CCN4: variants seen among roughly 807,000 people sequenced by gnomAD.
CCN4 encodes the protein CCN family member 4.
CCN4 carries 30 observed loss-of-function variants against 36.7 expected under a neutral mutation model. The ratio of observed to expected loss-of-function variants is 0.82; its 90% CI spans 0.61 to 1.11. The LOEUF (loss-of-function observed/expected upper bound fraction) is 1.11, where lower values mean the gene tolerates loss of function less well. Among genes scored for constraint, CCN4 ranks in the 50% least tolerant of loss-of-function variants. CCN4 has a pLI of 0.00. For missense variants in CCN4, 505 were observed against 504.9 expected (o/e 1.00, Z 0.00); for synonymous variants, 191 against 195.4 (o/e 0.98, Z 0.19).
chr8:133,217,936 C>CCACACACACACACACACA (rs58105917), intron 2 of CCN4, among the ~76,000 whole-genome samples: 9,182 of 144,368 alleles, frequency 0.064, 352 homozygotes, highest in African/African-American at 0.089. Flanking sequence ...ACTCCCTTCT[C>CCACACACACACACACACA]CACACACACA....
At chr8:133,194,445 G>T (rs1853247703) in intron 1 of CCN4, among the ~76,000 whole-genome samples, 1 of 40,040 alleles carries the variant, frequency 2.5e-5, no homozygotes, top group African/African-American at 2.5e-4. Context: ...TGTGTGTGGT[G>T]TGTGTGTGGT....
chr8:133,218,500 G>C (rs929762210), intron 2 of CCN4, among the ~76,000 whole-genome samples: 1 of 152,190 alleles, frequency 6.6e-6, no homozygotes, highest in Non-Finnish European at 1.5e-5. Flanking sequence ...TTTCTGTACA[G>C]AATAAAATAA....
At chr8:133,223,989 C>G (rs1425983941) in intron 3 of CCN4, among the ~76,000 whole-genome samples, 1 of 152,128 alleles carries the variant, frequency 6.6e-6, no homozygotes, top group African/African-American at 2.4e-5. Context: ...AATGACCACA[C>G]AGACTCACAT....
intron 1 of CCN4, among the ~76,000 whole-genome samples, chr8:133,212,423 T>A (rs929947881): frequency 5.3e-5 from 8 of 151,400 alleles, no homozygotes; most frequent in African/African-American, 1.9e-4. Context: ...TCTCGGTGAG[T>A]GAAGGAACTG....
rs138013484 is a variant in CCN4, at chr8:133,227,855, C to T, written c.*145C>T. 731 of 881,230 alleles carry T rather than the reference C, an allele frequency of 8.3e-4. 2 individuals are homozygous for T. Among genetic ancestry groups the T allele is most frequent in the South Asian group, 3.3e-3 (186 of 55,968 alleles). The allele number at this position is 881,230 out of a possible 1,614,324, so 54.6% of individuals were successfully genotyped here. A position where few individuals can be genotyped will look rare whatever the true frequency, so the allele number is the denominator to read the frequency against. ...TTTCTGTCTCTAACCATTCAAATGA[C>T]GCCTGATGGTGCTGCTCAGGCCCAT... On this transcript the variant is annotated 3_prime_UTR_variant, in exon 5 of 5. Transcript: ENST00000250160.
intron 1 of CCN4, among the ~76,000 whole-genome samples, chr8:133,191,417 G>A (rs1030249388): frequency 2.0e-5 from 3 of 152,130 alleles, no homozygotes; most frequent in East Asian, 3.9e-4. Context: ...AGGACGGTGC[G>A]ACACTTGGGG....
intron 1 of CCN4, among the ~76,000 whole-genome samples, chr8:133,207,172 T>C (rs1853809801): frequency 6.6e-6 from 1 of 152,282 alleles, no homozygotes; most frequent in Non-Finnish European, 1.5e-5. Flanking sequence ...GGAGAAGTTC[T>C]GGCCATGAGG....
chr8:133,191,556 T>C (rs548658787), intron 1 of CCN4, among the ~76,000 whole-genome samples: 1 of 152,266 alleles, frequency 6.6e-6, no homozygotes, highest in South Asian at 2.1e-4. Flanking sequence ...CCTGGCTGTG[T>C]GGCCTCGGGT....
chr8:133,202,492 C>T (rs957601591), intron 1 of CCN4, among the ~76,000 whole-genome samples: 16 of 152,274 alleles, frequency 1.1e-4, no homozygotes. Flanking sequence ...TGGACTAGGG[C>T]TCGTTATCTG....
rs528222246 is a variant in CCN4, at chr8:133,194,458, G to A, written c.69+3245G>A. 9.3e-4 allele frequency among the ~76,000 whole-genome samples: 73 copies of A among 78,124 alleles called. 1 individual carries two copies. The highest frequency in any genetic ancestry group is 2.5e-3 in the South Asian group (5 of 1,972). The allele number at this position is 78,124 out of a possible 152,430, so 51.3% of individuals were successfully genotyped here. A position where few individuals can be genotyped will look rare whatever the true frequency, so the allele number is the denominator to read the frequency against. ...TGTGTGTGTGGTGTGTGTGTGGTAT[G>A]TGTGTGGGGTGTGTGTGTGTGTGGT... On this transcript the variant is annotated intron_variant, in intron 1 of 4. Coordinates refer to ENST00000250160, the MANE Select transcript of CCN4 (RefSeq NM_003882.4).
rs944854927 is a variant in CCN4 at position 133,209,652 on chromosome 8, G to C, written c.70-3212G>C. On this transcript the variant is annotated intron_variant, in intron 1 of 4. Coordinates refer to ENST00000250160, the MANE Select transcript of CCN4 (RefSeq NM_003882.4). ...GGATGGAGACAGGAGGATGGATAGT[G>C]ATCCCAGGAGTGGGATACCCACCCG... 3.3e-5 allele frequency among the ~76,000 whole-genome samples: 5 copies of C among 152,236 alleles called. No homozygotes were observed. In the East Asian group the frequency reaches 9.6e-4, roughly 29 times the overall value.
At chr8:133,217,058 T>G (rs1291588041) in intron 2 of CCN4, among the ~76,000 whole-genome samples, 1 of 152,206 alleles carries the variant, frequency 6.6e-6, no homozygotes, top group African/African-American at 2.4e-5. Flanking sequence ...CACTCACTAT[T>G]ACTATGACTT....
intron 2 of CCN4, among the ~76,000 whole-genome samples, chr8:133,215,788 T>C (rs1854299722): frequency 6.6e-6 from 1 of 152,172 alleles, no homozygotes; most frequent in Non-Finnish European, 1.5e-5. Context: ...TACCAGTGGT[T>C]CCCTGGTCAT....
At chr8:133,206,601 C>T (rs1297651425) in intron 1 of CCN4, among the ~76,000 whole-genome samples, 1 of 152,186 alleles carries the variant, frequency 6.6e-6, no homozygotes, top group Non-Finnish European at 1.5e-5. Flanking sequence ...ATGGTGTGTG[C>T]GCATGTGTGT....
chr8:133,191,152 G>C lies in CCN4; in HGVS notation c.8G>C (p.Trp3Ser). 1 of 1,606,864 alleles carries C rather than the reference G, an allele frequency of 6.2e-7. No homozygotes were observed. Among genetic ancestry groups the C allele is most frequent in the Admixed American group, 1.7e-5 (1 of 59,992 alleles). The change falls in exon 1 of 5, where the codon TGG becomes TCG. Residue 3 changes from tryptophan (W) to serine (S), a missense_variant. Trp to Ser is a radical substitution (Grantham distance 177). Coordinates refer to ENST00000250160, the MANE Select transcript of CCN4 (RefSeq NM_003882.4). MR[W>S]FLPWTLAAVT... is the part of the protein sequence containing the mutation. ...TGCCACTGACGTCCAGGCATGAGGT[G>C]GTTCCTGCCCTGGACGCTGGCAGCA...
chr8:133,213,019 C>T lies in CCN4; in HGVS notation c.225C>T (p.Cys75=). 1 of 1,614,170 alleles carries T rather than the reference C, an allele frequency of 6.2e-7. No homozygotes were observed. The highest frequency in any genetic ancestry group is 1.1e-5 in the South Asian group (1 of 91,086). ...GCCTCATCACAGATGGCTGTGAGTG[C>T]TGTAAGATGTGCGCTCAGCAGCTTG... ...GVSLITDGCE[C]CKMCAQQLGD... Residue 75 remains cysteine (C), a synonymous_variant, in exon 2 of 5, where the codon TGC becomes TGT. Coordinates refer to ENST00000250160, the MANE Select transcript of CCN4 (RefSeq NM_003882.4).
chr8:133,217,295 GC>G (rs1164037242), intron 2 of CCN4, among the ~76,000 whole-genome samples: 2 of 152,230 alleles, frequency 1.3e-5, no homozygotes, highest in Non-Finnish European at 2.9e-5. Flanking sequence ...ACAAGGCATG[GC>G]CCACTGTCCC....
At chr8:133,217,850 G>A (rs569176313) in intron 2 of CCN4, among the ~76,000 whole-genome samples, 1 of 151,766 alleles carries the variant, frequency 6.6e-6, no homozygotes. Context: ...CCACTGTGCT[G>A]GGGACTCCGG....
chr8:133,221,277 G>A (rs1271725197), intron 3 of CCN4, among the ~76,000 whole-genome samples: 1 of 152,188 alleles, frequency 6.6e-6, no homozygotes, highest in Non-Finnish European at 1.5e-5. Flanking sequence ...TTTCAGCCAG[G>A]TAAACCAGAT....
Sources: allele counts gnomAD v4.1 joint callset (sites outside exome capture counted in the v4.1 genomes callset), GRCh38; gene constraint gnomAD v4.1.1; transcripts MANE v1.5; gene names NCBI Gene and HGNC (gene_info 2026-07-23, HGNC 2026-07-21).